Variants in HBD observed in about 807,000 individuals in gnomAD.
The protein encoded by HBD is hemoglobin subunit delta.
A neutral mutation model predicts 9.2 loss-of-function variants in HBD; 11 were observed. The observed-to-expected ratio is 1.20, with a 90% CI of 0.76 to 1.99. The LOEUF is 1.99. HBD is among the 30% of genes most tolerant of loss of function. The pLI, the probability that HBD is intolerant of heterozygous loss-of-function variation, is 0.00. For synonymous variants in HBD, 83 were observed against 69.4 expected, an observed-to-expected ratio of 1.20 and a Z score of -0.98; for missense variants, 189 against 174.3, an observed-to-expected ratio of 1.08 and a Z score of -0.47.
intron 2 of HBD, among the ~76,000 whole-genome samples, 155 bp downstream of exon 2, chr11:5,233,836 G>C (rs937529640): frequency 6.6e-6 from 1 of 151,788 alleles, no homozygotes; most frequent in African/African-American, 2.4e-5. Flanking sequence ...AAAAAATGCA[G>C]AATATTTAAA....
At chr11:5,233,848 A>T (rs754341431) in intron 2 of HBD, 143 bp downstream of exon 2, 10 of 706,054 alleles carry the variant, frequency 1.4e-5, no homozygotes, top group Non-Finnish European at 2.2e-5. Context: ...ATATTTAAAT[A>T]AAAAATTAAC....
Position 5,234,460 on chromosome 11 carries a change from C to A in HBD, c.-27G>T. ...GTGTCTGTTTGAGGTTGCTAGTGAA[C>A]ACTGTTATGTCAGAAGAAAGTGTAA... is the stretch of plus-strand genomic sequence containing the variant. On this transcript the variant is annotated 5_prime_UTR_variant, in exon 1 of 3. Transcript: ENST00000650601. 6.6e-7 allele frequency: 1 copy of A among 1,518,540 alleles called. No homozygotes were observed. 94.1% of individuals were successfully genotyped at this position (1,518,540 alleles called of 1,614,324 possible). A position where few individuals can be genotyped will look rare whatever the true frequency, so the allele number is the denominator to read the frequency against.
Position 5,232,955 on chromosome 11 carries a change from T to G in HBD, c.*9A>C, listed in dbSNP as rs992853103. The stretch of plus-strand genomic sequence containing the variant: ...TCTTCTTATGGTTATCAGGAAACAG[T>G]CCAGGATCTCAATGGTACTTGTGAG... On this transcript the variant is annotated 3_prime_UTR_variant, in exon 3 of 3. Coordinates refer to ENST00000650601, the MANE Select transcript of HBD (RefSeq NM_000519.4). The G allele has an allele frequency of 1.2e-6, 2 of 1,613,926 alleles. No homozygotes were observed. Among genetic ancestry groups the G allele is most frequent in the African/African-American group, 2.7e-5 (2 of 74,894 alleles).
Position 5,234,335 on chromosome 11 carries a change from T to C in HBD, c.92+7A>G. 1 of 1,613,100 alleles carries C rather than the reference T, an allele frequency of 6.2e-7. No homozygotes were observed. Among genetic ancestry groups the C allele is most frequent in the Non-Finnish European group, 8.5e-7 (1 of 1,179,060 alleles). ...CCTTGAGCCTCTCTTATAACCTTGA[T>C]ACCAACCTGCCCAGGGCCTCACCAC... On this transcript the variant is annotated splice_region_variant and intron_variant, in intron 1 of 2. Coordinates refer to ENST00000650601, the MANE Select transcript of HBD (RefSeq NM_000519.4).
intron 2 of HBD, 104 bp downstream of exon 2, chr11:5,233,887 T>C (rs1000187587): frequency 5.4e-6 from 5 of 928,764 alleles, no homozygotes; most frequent in Admixed American, 4.2e-5. Flanking sequence ...AATGATAAAA[T>C]ATAGTAAAAT....
At position 5,234,098 on chromosome 11, in the gene HBD, C is replaced by T. The variant is rs35913713; in HGVS notation, c.208G>A (p.Gly70Ser). The change falls in exon 2 of 3, where the codon GGT becomes AGT. Residue 70 changes from glycine to serine, a missense_variant. Coordinates refer to ENST00000650601, the MANE Select transcript of HBD (RefSeq NM_000519.4). ...KVKAHGKKVL[G>S]AFSDGLAHLD... ...TGAGCCAGGCCATCACTAAAGGCAC[C>T]TAGCACCTTCTTGCCATGAGCCTTC... The T allele has an allele frequency of 1.9e-6, 3 of 1,613,940 alleles. No individual in the cohort carries two copies. Among genetic ancestry groups the T allele is most frequent in the African/African-American group, 2.7e-5 (2 of 74,884 alleles).
In HBD at chr11:5,234,483, T is replaced by G. The variant is rs1847716929; in HGVS notation, c.-50A>C. ...AACACTGTTATGTCAGAAGAAAGTG[T>G]AAGCAACAGTCGACTCTGCCCTGCC... On this transcript the variant is annotated 5_prime_UTR_variant, in exon 1 of 3. Transcript: ENST00000650601. The G allele has an allele frequency of 7.4e-7, 1 of 1,356,704 alleles. No individual in the cohort carries two copies. The highest frequency in any genetic ancestry group is 1.1e-6 in the Non-Finnish European group (1 of 945,096). 84.0% of individuals were successfully genotyped at this position (1,356,704 alleles called of 1,614,324 possible).
Position 5,232,911 on chromosome 11 carries a change from A to G in HBD, c.*53T>C, listed in dbSNP as rs781735687. 7 of 1,612,872 alleles carry G rather than the reference A, an allele frequency of 4.3e-6. No individual in the cohort carries two copies. In the African/African-American group the frequency reaches 8.0e-5, roughly 18 times the overall value. The stretch of plus-strand genomic sequence containing the variant: ...CATTGTGTTCCCAAGTTCAGAAAAT[A>G]GAATCTAGGGAAATAGGGTCTTCTT... On this transcript the variant is annotated 3_prime_UTR_variant, in exon 3 of 3. Coordinates refer to ENST00000650601, the MANE Select transcript of HBD (RefSeq NM_000519.4).
In HBD at chr11:5,232,955, TC is replaced by T; in HGVS notation, c.*8del. Reference sequence around the variant, plus strand: ...TCTTCTTATGGTTATCAGGAAACAGTCCAGGATCTCAATGGTACTTGTGAGC... The same window carrying T: ...TCTTCTTATGGTTATCAGGAAACAGTCAGGATCTCAATGGTACTTGTGAGC... On this transcript the variant is annotated 3_prime_UTR_variant, in exon 3 of 3. Coordinates refer to ENST00000650601, the MANE Select transcript of HBD (RefSeq NM_000519.4). 1 of 1,614,044 alleles carries T rather than the reference TC, an allele frequency of 6.2e-7. No individual in the cohort carries two copies. The highest frequency in any genetic ancestry group is 1.1e-5 in the South Asian group (1 of 91,078).
chr11:5,233,096 C>A lies in HBD; in HGVS notation c.316-4G>T, dbSNP rs978547519. The A allele has an allele frequency of 9.9e-6, 16 of 1,613,606 alleles. No homozygotes were observed. Among genetic ancestry groups the A allele is most frequent in the African/African-American group, 1.3e-5 (1 of 74,812 alleles). ...ACACCAGCACATTGCCCAAGAGCTG[C>A]GGAGAAGAGGTAGGCAGATACATGC... On this transcript the variant is annotated splice_region_variant and splice_polypyrimidine_tract_variant and intron_variant, in intron 2 of 2. Coordinates refer to ENST00000650601, the MANE Select transcript of HBD (RefSeq NM_000519.4).
chr11:5,233,126 G>A (rs1197935833), intron 2 of HBD, 34 bp from the exon 3 acceptor site: 1 of 1,612,342 alleles, frequency 6.2e-7, no homozygotes, highest in Non-Finnish European at 8.5e-7. Context: ...ACATGCATAT[G>A]GTTAACAGAG....
Position 5,234,412 on chromosome 11 carries a change from C to G in HBD, c.22G>C (p.Glu8Gln). Reference sequence around the variant, plus strand: ...CACAGGGCATTGACAGCAGTCTTCTCCTCAGGAGTCAGATGCACCATGGTG... The same window carrying G: ...CACAGGGCATTGACAGCAGTCTTCTGCTCAGGAGTCAGATGCACCATGGTG... MVHLTPE[E>Q]KTAVNALWGK... is the part of the protein sequence containing the mutation. The change falls in exon 1 of 3, where the codon GAG (glutamate) becomes CAG (glutamine). Residue 8 changes from glutamate to glutamine, a missense_variant. Physicochemically the swap from Glu to Gln is conservative, Grantham distance 29 (BLOSUM62 2). Transcript: ENST00000650601. 1 of 1,613,642 alleles carries G rather than the reference C, an allele frequency of 6.2e-7. No homozygotes were observed. The highest frequency in any genetic ancestry group is 8.5e-7 in the Non-Finnish European group (1 of 1,179,530).
At chr11:5,233,697 G>A (rs955106136) in intron 2 of HBD, among the ~76,000 whole-genome samples, 1 of 152,100 alleles carries the variant, frequency 6.6e-6, no homozygotes, top group African/African-American at 2.4e-5. Flanking sequence ...TATTCTAAGT[G>A]CAGAATTAGC....
intron 2 of HBD, 27 bp from the exon 3 acceptor site, chr11:5,233,119 T>C (rs1223999813): frequency 3.7e-6 from 6 of 1,613,216 alleles, no homozygotes; most frequent in Admixed American, 3.3e-5. Flanking sequence ...GGCAGATACA[T>C]GCATATGGTT....
chr11:5,233,398 A>G (rs1847695253), intron 2 of HBD, among the ~76,000 whole-genome samples: 1 of 152,216 alleles, frequency 6.6e-6, no homozygotes, highest in Non-Finnish European at 1.5e-5. Flanking sequence ...ATGTGTATAT[A>G]GCATATACAA....
rs1260714350 is a variant in HBD, at chr11:5,232,883, A to C, written c.*81T>G. The stretch of plus-strand genomic sequence containing the variant: ...TAGGCAGAAGCCATACCCTTGAAGT[A>C]GGCATTGTGTTCCCAAGTTCAGAAA... On this transcript the variant is annotated 3_prime_UTR_variant, in exon 3 of 3. Coordinates refer to ENST00000650601, the MANE Select transcript of HBD (RefSeq NM_000519.4). 5 of 1,611,990 alleles carry C rather than the reference A, an allele frequency of 3.1e-6. No individual in the cohort carries two copies. The highest frequency in any genetic ancestry group is 4.2e-6 in the Non-Finnish European group (5 of 1,178,052).
Position 5,233,172 on chromosome 11 carries a change from C to T in HBD, c.316-80G>A, listed in dbSNP as rs374210782. 37 of 1,520,496 alleles carry T rather than the reference C, an allele frequency of 2.4e-5. 1 individual carries two copies. In the South Asian group the frequency reaches 3.9e-4, roughly 16 times the overall value. The allele number at this position is 1,520,496 out of a possible 1,614,324, so 94.2% of individuals were successfully genotyped here. A position where few individuals can be genotyped will look rare whatever the true frequency, so the allele number is the denominator to read the frequency against. On this transcript the variant is annotated intron_variant, in intron 2 of 2. Coordinates refer to ENST00000650601, the MANE Select transcript of HBD (RefSeq NM_000519.4). ...TGGCTTCTGAGAAACTGAGCCAACA[C>T]CCATTTTTTTCTGCCCAAATCTTAG...
At position 5,233,008 on chromosome 11, in the gene HBD, C is replaced by G; in HGVS notation, c.400G>C (p.Val134Leu). 1 of 1,614,084 alleles carries G rather than the reference C, an allele frequency of 6.2e-7. No individual in the cohort carries two copies. The highest frequency in any genetic ancestry group is 1.1e-5 in the South Asian group (1 of 91,082). The change falls in exon 3 of 3, where the codon GTG becomes CTG. Residue 134 changes from valine (V) to leucine (L), a missense_variant. By Grantham distance (32) the Val-to-Leu change is conservative (BLOSUM62 1). Coordinates refer to ENST00000650601, the MANE Select transcript of HBD (RefSeq NM_000519.4). The part of the protein sequence containing the change: ...TPQMQAAYQK[V>L]VAGVANALAH... ...AGGGCATTAGCCACACCAGCCACCA[C>G]CTTCTGATAGGCAGCCTGCATTTGT...
intron 1 of HBD, 45 bp downstream of exon 1, chr11:5,234,297 T>C (rs1434321919): frequency 6.2e-7 from 1 of 1,600,180 alleles, no homozygotes; most frequent in East Asian, 2.2e-5. Flanking sequence ...ACATGCCCAG[T>C]TTCCATTTGC....
Sources: gnomAD v4.1 joint callset for allele counts (sites outside exome capture counted in the v4.1 genomes callset) on GRCh38, gnomAD v4.1.1 for gene constraint, MANE v1.5 for transcripts, NCBI Gene and HGNC (gene_info 2026-07-23, HGNC 2026-07-21) for gene names.